Variants in ANO2 observed in about 807,000 individuals in gnomAD.
ANO2 encodes anoctamin-2.
A neutral mutation model predicts 124.2 loss-of-function variants in ANO2; 101 were observed. That is an observed-to-expected ratio of 0.81 (90% CI 0.69 to 0.96). ANO2 has a LOEUF of 0.96. Ranked by LOEUF, ANO2 falls within the 40% of genes least tolerant of loss-of-function variation. ANO2 has a pLI of 0.00. For synonymous variants in ANO2, 486 were observed against 482.5 expected (o/e 1.01, Z -0.09); for missense variants, 1,293 against 1,274.5 (o/e 1.01, Z -0.22).
intron 16 of ANO2, among the ~76,000 whole-genome samples, chr12:5,616,026 A>G (rs1429151492): frequency 2.6e-5 from 4 of 152,120 alleles, no homozygotes; most frequent in Non-Finnish European, 4.4e-5. Context: ...AGAGACACTG[A>G]GCAGAAACCT....
intron 17 of ANO2, among the ~76,000 whole-genome samples, chr12:5,614,773 T>C (rs1944716905): frequency 6.6e-6 from 1 of 152,138 alleles, no homozygotes; most frequent in Non-Finnish European, 1.5e-5. Context: ...GCCACTGGTG[T>C]CTGAAATGAG....
At chr12:5,866,340 A>G (rs1591715564) in intron 3 of ANO2, among the ~76,000 whole-genome samples, 1 of 152,272 alleles carries the variant, frequency 6.6e-6, no homozygotes, top group South Asian at 2.1e-4. Flanking sequence ...AAGATAGAGA[A>G]ATTGGTTGTC....
At chr12:5,591,816 G>T (rs1943407622) in intron 20 of ANO2, among the ~76,000 whole-genome samples, 1 of 152,152 alleles carries the variant, frequency 6.6e-6, no homozygotes, top group African/African-American at 2.4e-5. Context: ...CATGTCTGTT[G>T]TCTCTGTGTC....
chr12:5,864,086 A>C (rs917825415), intron 3 of ANO2, among the ~76,000 whole-genome samples: 1 of 152,184 alleles, frequency 6.6e-6, no homozygotes, highest in East Asian at 1.9e-4. Flanking sequence ...AGGGCCAAAA[A>C]AACACATGTC....
At chr12:5,918,343 C>A (rs1941496821) in intron 3 of ANO2, among the ~76,000 whole-genome samples, 1 of 152,150 alleles carries the variant, frequency 6.6e-6, no homozygotes. Context: ...AGGCATGAGC[C>A]AGGCCACATG....
chr12:5,933,929 A>T (rs984001103), intron 1 of ANO2, among the ~76,000 whole-genome samples: 1 of 152,160 alleles, frequency 6.6e-6, no homozygotes, highest in Non-Finnish European at 1.5e-5. Context: ...CTGTATTCCT[A>T]GCACAGGACT....
At chr12:5,898,209 T>C (rs1939928719) in intron 3 of ANO2, among the ~76,000 whole-genome samples, 1 of 152,194 alleles carries the variant, frequency 6.6e-6, no homozygotes, top group African/African-American at 2.4e-5. Flanking sequence ...ACTACACATG[T>C]ATCAGAATGG....
chr12:5,649,280 G>C (rs2136957886), intron 14 of ANO2, among the ~76,000 whole-genome samples: 1 of 152,290 alleles, frequency 6.6e-6, no homozygotes, highest in Non-Finnish European at 1.5e-5. Context: ...GAGTGTTATA[G>C]CTGAATTCAC....
intron 16 of ANO2, among the ~76,000 whole-genome samples, chr12:5,628,319 C>T (rs552780219): frequency 1.2e-4 from 19 of 152,312 alleles, no homozygotes; most frequent in African/African-American, 4.3e-4. Context: ...CAGAAATACT[C>T]GACCTCTTGT....
intron 14 of ANO2, among the ~76,000 whole-genome samples, chr12:5,703,307 G>C (rs4930746): frequency 0.24 from 36,545 of 151,982 alleles, 4,747 homozygotes; most frequent in East Asian, 0.35. Flanking sequence ...ACAGTATTTA[G>C]TGTATGTATG....
chr12:5,937,403 G>C (rs1286580529), intron 1 of ANO2, among the ~76,000 whole-genome samples: 1 of 152,050 alleles, frequency 6.6e-6, no homozygotes, highest in Non-Finnish European at 1.5e-5. Context: ...TTTTTAATTA[G>C]GTTATTTGTA....
chr12:5,677,583 C>G (rs1948303944), intron 14 of ANO2, among the ~76,000 whole-genome samples: 1 of 152,140 alleles, frequency 6.6e-6, no homozygotes, highest in South Asian at 2.1e-4. Context: ...GTTCTCCACT[C>G]TGAGGAGCAG....
At chr12:5,568,387 C>A (rs937908523) in intron 23 of ANO2, among the ~76,000 whole-genome samples, 1 of 151,852 alleles carries the variant, frequency 6.6e-6, no homozygotes, top group Non-Finnish European at 1.5e-5. Context: ...CTGATCCGCC[C>A]GTGCTGGCCA....
chr12:5,633,571 C>G (rs1237140180), intron 16 of ANO2, among the ~76,000 whole-genome samples: 1 of 145,262 alleles, frequency 6.9e-6, no homozygotes, highest in Non-Finnish European at 1.6e-5. Flanking sequence ...GATTTTCCAT[C>G]AAAAAGCAAA....
rs772377522 is a variant in ANO2, at chr12:5,832,602, A to G, written c.635T>C (p.Met212Thr). 1.9e-6 allele frequency: 3 copies of G among 1,611,334 alleles called. No individual in the cohort carries two copies. The highest frequency in any genetic ancestry group is 1.3e-5 in the African/African-American group (1 of 74,940). ...GCTGCCTCCTGCTTTGATCTCGTAC[A>G]TCTATGAAAGGAAGAGCCACAGGTC... Reference protein sequence around the residue: ...FLKIKVPTKKMYEIKAGGSIA... With the variant: ...FLKIKVPTKKTYEIKAGGSIA... Residue 212 changes from methionine to threonine, a missense_variant and splice_region_variant, in exon 5 of 25, where the codon ATG becomes ACG. Met to Thr is a moderately conservative substitution (Grantham distance 81). Coordinates refer to ENST00000682330, the MANE Select transcript of ANO2 (RefSeq NM_001364791.2).
chr12:5,617,107 C>T (rs1218742051), intron 16 of ANO2, among the ~76,000 whole-genome samples: 2 of 150,978 alleles, frequency 1.3e-5, no homozygotes, highest in Non-Finnish European at 3.0e-5. Context: ...CTGTACCACA[C>T]CCTCAAGATC....
At chr12:5,657,199 T>C (rs1222579559) in intron 14 of ANO2, among the ~76,000 whole-genome samples, 1 of 152,134 alleles carries the variant, frequency 6.6e-6, no homozygotes, top group African/African-American at 2.4e-5. Flanking sequence ...GAGATTGACT[T>C]GATGGGGGGT....
chr12:5,936,238 T>C (rs1305209494), intron 1 of ANO2, among the ~76,000 whole-genome samples: 1 of 152,220 alleles, frequency 6.6e-6, no homozygotes. Flanking sequence ...CAACCAAAAA[T>C]GCTCTTTTGG....
intron 11 of ANO2, among the ~76,000 whole-genome samples, chr12:5,747,330 A>G (rs1433619528): frequency 6.6e-6 from 1 of 152,216 alleles, no homozygotes; most frequent in East Asian, 1.9e-4. Context: ...ACAAACCCTT[A>G]GAGTATGCAT....
Sources: gnomAD v4.1 joint callset for allele counts (sites outside exome capture counted in the v4.1 genomes callset) on GRCh38, gnomAD v4.1.1 for gene constraint, MANE v1.5 for transcripts, NCBI Gene and HGNC (gene_info 2026-07-23, HGNC 2026-07-21) for gene names.